CELF2: variants seen among roughly 807,000 people sequenced by gnomAD.
The protein encoded by CELF2 is CUGBP Elav-like family member 2, also known as CUG triplet repeat RNA-binding protein 2.
In CELF2, 8 loss-of-function variants were observed where a neutral mutation model predicts 62.6. That is an observed-to-expected ratio of 0.13 (90% CI 0.07 to 0.23). The LOEUF is 0.23. Ranked by LOEUF, CELF2 falls within the 10% of genes least tolerant of loss-of-function variation. The pLI, the probability that CELF2 is intolerant of heterozygous loss-of-function variation, is 1.00. For missense variants in CELF2, 333 were observed against 671.0 expected (o/e 0.50, Z 5.56); for synonymous variants, 258 against 250.0 (o/e 1.03, Z -0.30).
the CELF2 span, among the ~76,000 whole-genome samples, chr10:10,710,423 C>T: frequency 6.6e-6 from 1 of 152,140 alleles, no homozygotes; most frequent in South Asian, 2.1e-4. Context: ...ACAGGGAAAC[C>T]AGAAGCAGTT....
chr10:10,591,623 T>C, the CELF2 span, among the ~76,000 whole-genome samples: 2 of 152,216 alleles, frequency 1.3e-5, no homozygotes, highest in Admixed American at 6.5e-5. Context: ...TATTAAAAAT[T>C]ACTGTAGAAA....
intron 1 of CELF2, among the ~76,000 whole-genome samples, chr10:10,918,751 G>A (rs2064581250): frequency 6.6e-6 from 1 of 152,166 alleles, no homozygotes; most frequent in African/African-American, 2.4e-5. Flanking sequence ...CTGTGTGTTT[G>A]TATATATTGT....
chr10:10,941,720 G>A lies in CELF2; in HGVS notation c.89+21721G>A, dbSNP rs141682915. Among the ~76,000 whole-genome samples, 298 of 152,284 alleles carry A rather than the reference G, an allele frequency of 2.0e-3. 2 individuals carry two copies. Among genetic ancestry groups the A allele is most frequent in the Middle Eastern group, 3.4e-3 (1 of 294 alleles). The stretch of plus-strand genomic sequence containing the variant: ...CTTAGAAATCAAAAGTTGACCAGGC[G>A]CAGTGGCTCATGCCTATAATCCCAG... On this transcript the variant is annotated intron_variant, in intron 2 of 13. Transcript: ENST00000636488.
At chr10:10,915,146 AAAAG>A (rs890306353) in intron 1 of CELF2, among the ~76,000 whole-genome samples, 21 of 149,200 alleles carry the variant, frequency 1.4e-4, no homozygotes, top group African/African-American at 3.6e-4. Flanking sequence ...AAAAAAAAAA[AAAAG>A]ATTTTTTAGT....
intron 1 of CELF2, among the ~76,000 whole-genome samples, chr10:10,898,867 T>A (rs536520541): frequency 6.6e-6 from 1 of 152,316 alleles, no homozygotes; most frequent in South Asian, 2.1e-4. Flanking sequence ...GGCCGTAAAA[T>A]AAGTCTCAAT....
chr10:10,854,877 A>G lies in CELF2; in HGVS notation c.53+56060A>G, dbSNP rs1164402065. Among the ~76,000 whole-genome samples, 5 of 151,622 alleles carry G rather than the reference A, an allele frequency of 3.3e-5. No homozygotes were observed. The East Asian group carries it at 9.7e-4, about 30-fold the overall frequency. On this transcript the variant is annotated intron_variant, in intron 1 of 13. Coordinates refer to the CELF2 transcript ENST00000636488. ...ATTGAGTCATACCAGGATTGAATCC[A>G]CCCAAGCGGGCAGAAAGTGGGCTCC...
rs2049006257 is a variant in CELF2 at position 10,957,277 on chromosome 10, A to G, written c.89+37278A>G. 6.6e-6 allele frequency among the ~76,000 whole-genome samples: 1 copy of G among 152,246 alleles called. No homozygotes were observed. ...TATGACCTCAGGTGCTGGTAAAGTT[A>G]TTGAAAGAAGTACATTACAGGTAAT... is the stretch of plus-strand genomic sequence containing the variant. On this transcript the variant is annotated intron_variant, in intron 2 of 13. Coordinates refer to the CELF2 transcript ENST00000636488. This position sits in a 1 kb window ranked among gnomAD's most constrained non-coding sequence, Gnocchi z 4.1.
At chr10:10,919,988 G>C in exon 2 of CELF2, 1 of 1,231,532 alleles carries the variant, frequency 8.1e-7, no homozygotes, top group Non-Finnish European at 1.0e-6. Context: ...AGTTAGCTGG[G>C]AGTCTACCAA....
chr10:10,805,394 G>A (rs1272610515), intron 1 of CELF2, among the ~76,000 whole-genome samples: 1 of 152,168 alleles, frequency 6.6e-6, no homozygotes, highest in Non-Finnish European at 1.5e-5. Flanking sequence ...TTTGCACCAC[G>A]TAATTTTTCC....
the CELF2 span, among the ~76,000 whole-genome samples, chr10:10,570,437 T>G: frequency 6.6e-6 from 1 of 152,070 alleles, no homozygotes; most frequent in Non-Finnish European, 1.5e-5. Context: ...AAACACAAAT[T>G]CACCCCAGGT....
At chr10:11,061,889 T>C (rs1049514008) in intron 1 of CELF2, among the ~76,000 whole-genome samples, 1 of 152,350 alleles carries the variant, frequency 6.6e-6, no homozygotes, top group Middle Eastern at 3.4e-3. Context: ...CTCAGCTCAC[T>C]GTAACCTTTG....
At chr10:10,792,667 C>A in the CELF2 span, 1 of 386,606 alleles carries the variant, frequency 2.6e-6, no homozygotes, top group Non-Finnish European at 4.6e-6. Flanking sequence ...CAGATTTTTC[C>A]TTTGGGTATT....
rs373060677 is a variant in CELF2, at chr10:11,190,967, G to C, written c.271+25285G>C. 1.6e-4 allele frequency among the ~76,000 whole-genome samples: 25 copies of C among 152,156 alleles called. No homozygotes were observed. In the East Asian group the frequency reaches 4.7e-3, roughly 28 times the overall value. The stretch of plus-strand genomic sequence containing the variant: ...GGGAGATGTGAGAGTTCTGGAGATG[G>C]ACAGTGGTTACAGTTGCACAGCAGC... On this transcript the variant is annotated intron_variant, in intron 2 of 12. Coordinates refer to ENST00000633077, the MANE Select transcript of CELF2 (RefSeq NM_001326342.2).
chr10:10,867,194 C>G (rs2060443724), intron 1 of CELF2, among the ~76,000 whole-genome samples: 1 of 152,136 alleles, frequency 6.6e-6, no homozygotes, highest in South Asian at 2.1e-4. Context: ...CAATTTCAAG[C>G]TACCAACATG....
the CELF2 span, among the ~76,000 whole-genome samples, chr10:10,752,051 C>A: frequency 3.4e-3 from 521 of 152,280 alleles, no homozygotes; most frequent in African/African-American, 0.012. Flanking sequence ...GGAAGTTTTA[C>A]CTAATCTACT....
At chr10:10,731,558 A>G in the CELF2 span, among the ~76,000 whole-genome samples, 138 of 152,356 alleles carry the variant, frequency 9.1e-4, no homozygotes, top group Non-Finnish European at 1.7e-3. Flanking sequence ...GGAAATATGG[A>G]AACTGGTATT....
intron 1 of CELF2, among the ~76,000 whole-genome samples, chr10:11,069,571 G>A (rs1027692453): frequency 1.3e-5 from 2 of 152,188 alleles, no homozygotes; most frequent in South Asian, 2.1e-4. Context: ...AAGGACATGT[G>A]ACAAATTATT....
intron 1 of CELF2, among the ~76,000 whole-genome samples, chr10:10,848,355 A>C (rs17148985): frequency 0.016 from 2,366 of 152,282 alleles, 77 homozygotes; most frequent in African/African-American, 0.054. Context: ...AAAAATGGCA[A>C]CAGCGCCTTG....
the CELF2 span, among the ~76,000 whole-genome samples, chr10:10,723,639 T>C: frequency 1.3e-5 from 2 of 152,150 alleles, no homozygotes; most frequent in African/African-American, 4.8e-5. Context: ...CCACCACTTG[T>C]ATGGAAAAGG....
Sources: allele counts gnomAD v4.1 joint callset (sites outside exome capture counted in the v4.1 genomes callset), GRCh38; gene constraint gnomAD v4.1.1; non-coding constraint Gnocchi (gnomAD v3.1); transcripts MANE v1.5; gene names NCBI Gene and HGNC (gene_info 2026-07-23, HGNC 2026-07-21).